The following MYRIP variants were observed in gnomAD, a reference collection of about 807,000 sequenced individuals.
MYRIP encodes the protein myosin VIIA and Rab interacting protein, also known as rab effector MyRIP.
A neutral mutation model predicts 98.0 loss-of-function variants in MYRIP; 49 were observed. The observed-to-expected ratio is 0.50, with a 90% CI of 0.40 to 0.63. The LOEUF is 0.63. Ranked by LOEUF, MYRIP falls within the 30% of genes least tolerant of loss-of-function variation. The pLI is 0.00. For missense variants in MYRIP, 1,004 were observed against 1,058.2 expected (o/e 0.95, Z 0.71); for synonymous variants, 404 against 409.5 (o/e 0.99, Z 0.16).
At chr3:39,845,070 C>T (rs1020220912) in intron 1 of MYRIP, among the ~76,000 whole-genome samples, 1 of 152,192 alleles carries the variant, frequency 6.6e-6, no homozygotes, top group African/African-American at 2.4e-5. Flanking sequence ...AGCATCAAGC[C>T]TCTTTTTTGA....
chr3:40,183,542 C>T (rs1364106330), intron 9 of MYRIP, among the ~76,000 whole-genome samples: 5 of 152,190 alleles, frequency 3.3e-5, no homozygotes, highest in Non-Finnish European at 5.9e-5. Flanking sequence ...TGCTTGGACC[C>T]ATCACTGTGG....
At chr3:40,017,862 T>C (rs1575467982) in intron 2 of MYRIP, among the ~76,000 whole-genome samples, 3 of 152,274 alleles carry the variant, frequency 2.0e-5, no homozygotes, top group East Asian at 1.9e-4. Context: ...ATATTTTTAA[T>C]GTGAAGGCTT....
intron 1 of MYRIP, among the ~76,000 whole-genome samples, chr3:39,898,755 G>A (rs192114037): frequency 1.6e-3 from 241 of 152,206 alleles, no homozygotes; most frequent in African/African-American, 5.4e-3. Context: ...TAGTTTATAT[G>A]TATGTATAAA....
chr3:39,899,968 C>T (rs373400075), intron 1 of MYRIP, among the ~76,000 whole-genome samples: 17 of 152,210 alleles, frequency 1.1e-4, no homozygotes, highest in Non-Finnish European at 1.8e-4. Context: ...CTACAGGCGA[C>T]GCTCACCATG....
At chr3:40,059,625 G>T (rs1947964561) in intron 3 of MYRIP, among the ~76,000 whole-genome samples, 1 of 152,088 alleles carries the variant, frequency 6.6e-6, no homozygotes, top group African/African-American at 2.4e-5. Flanking sequence ...AAGACACTTT[G>T]TCTTTGAGTT....
intron 3 of MYRIP, among the ~76,000 whole-genome samples, chr3:40,142,901 T>C (rs1422659867): frequency 1.3e-5 from 2 of 152,230 alleles, no homozygotes; most frequent in African/African-American, 4.8e-5. Context: ...CGTACACACC[T>C]ACTGAGGCTT....
chr3:40,035,679 C>A (rs746930934), intron 2 of MYRIP, among the ~76,000 whole-genome samples: 78 of 151,676 alleles, frequency 5.1e-4, no homozygotes, highest in Admixed American at 1.1e-3. Flanking sequence ...TAAATGGAAA[C>A]AAATCATTAG....
intron 2 of MYRIP, among the ~76,000 whole-genome samples, chr3:39,917,818 T>A (rs2125687277): frequency 6.6e-6 from 1 of 152,334 alleles, no homozygotes; most frequent in East Asian, 1.9e-4. Context: ...CATTATAACT[T>A]AATGTTAAGC....
chr3:39,903,351 A>G (rs933611283), intron 2 of MYRIP, among the ~76,000 whole-genome samples: 2 of 152,222 alleles, frequency 1.3e-5, no homozygotes, highest in Non-Finnish European at 2.9e-5. Flanking sequence ...ATAACTCATA[A>G]TAGAAGACTT....
At position 40,244,435 on chromosome 3, in the gene MYRIP, T is replaced by C; in HGVS notation, c.2101-11T>C. 1 of 1,602,176 alleles carries C rather than the reference T, an allele frequency of 6.2e-7. No individual in the cohort carries two copies. Among genetic ancestry groups the C allele is most frequent in the Non-Finnish European group, 8.5e-7 (1 of 1,173,818 alleles). On this transcript the variant is annotated splice_polypyrimidine_tract_variant and intron_variant, in intron 12 of 16. Transcript: ENST00000302541. ...GCAGACATGAACTCAAATGTAGCACTGTCTCTACAGGTATACCTGGCAGCA... is the reference window on the plus strand; with the variant it reads ...GCAGACATGAACTCAAATGTAGCACCGTCTCTACAGGTATACCTGGCAGCA...
In MYRIP at chr3:40,076,763, A is replaced by G. The variant is rs562883460; in HGVS notation, c.332+32492A>G. On this transcript the variant is annotated intron_variant, in intron 3 of 16. Coordinates refer to ENST00000302541, the MANE Select transcript of MYRIP (RefSeq NM_015460.4). Reference sequence around the variant, plus strand: ...TTCTGTTTCTAGAAAAAAGGGGTAGAAGGGATTTTGGTGGTCAGCTGGCAG... The same window carrying G: ...TTCTGTTTCTAGAAAAAAGGGGTAGGAGGGATTTTGGTGGTCAGCTGGCAG... Among the ~76,000 whole-genome samples, 10 of 152,258 alleles carry G rather than the reference A, an allele frequency of 6.6e-5. No homozygotes were observed. The East Asian group carries it at 1.9e-3, about 29-fold the overall frequency.
intron 1 of MYRIP, among the ~76,000 whole-genome samples, chr3:39,851,169 T>C (rs936684243): frequency 6.6e-6 from 1 of 152,236 alleles, no homozygotes; most frequent in Non-Finnish European, 1.5e-5. Context: ...AATCAAGATT[T>C]ATAAGCCAGG....
intron 3 of MYRIP, among the ~76,000 whole-genome samples, chr3:40,069,351 C>T (rs1385963190): frequency 6.6e-6 from 1 of 151,648 alleles, no homozygotes; most frequent in African/African-American, 2.4e-5. Flanking sequence ...AAATTCACAA[C>T]AGATTCTAAT....
At chr3:39,912,941 G>A (rs1475441045) in intron 2 of MYRIP, among the ~76,000 whole-genome samples, 6 of 152,166 alleles carry the variant, frequency 3.9e-5, no homozygotes, top group African/African-American at 7.2e-5. Context: ...TCAGGAGGCC[G>A]AGACAGGAGA....
Position 39,985,053 on chromosome 3 carries a change from C to T in MYRIP, c.111-58997C>T, listed in dbSNP as rs931984317. On this transcript the variant is annotated intron_variant, in intron 2 of 16. Transcript: ENST00000302541. The stretch of plus-strand genomic sequence containing the variant: ...TTGAGAAGTGTCTGTTCATGTCCTT[C>T]ACCCACTTTTTGATGGGGTTTTGTT... Among the ~76,000 whole-genome samples the T allele has an allele frequency of 3.0e-4, 36 of 119,558 alleles. 1 individual carries two copies. Among genetic ancestry groups the T allele is most frequent in the African/African-American group, 1.2e-4 (3 of 24,414 alleles). 78.4% of individuals were successfully genotyped at this position (119,558 alleles called of 152,430 possible).
intron 2 of MYRIP, among the ~76,000 whole-genome samples, chr3:40,029,762 A>G (rs529910381): frequency 6.6e-6 from 1 of 152,174 alleles, no homozygotes; most frequent in South Asian, 2.1e-4. Flanking sequence ...CAAATAATCT[A>G]ATATAGAAAT....
chr3:39,982,654 G>A (rs147030319), intron 2 of MYRIP, among the ~76,000 whole-genome samples: 12 of 152,068 alleles, frequency 7.9e-5, no homozygotes, highest in African/African-American at 2.7e-4. Flanking sequence ...AAAGCTAACC[G>A]GTAAATATTA....
chr3:39,894,414 A>G (rs945432421), intron 1 of MYRIP, among the ~76,000 whole-genome samples: 4 of 152,314 alleles, frequency 2.6e-5, no homozygotes, highest in South Asian at 2.1e-4. Flanking sequence ...TGCTCAATAC[A>G]ATATACCTAT....
At chr3:40,148,176 A>AT (rs879609019) in intron 3 of MYRIP, among the ~76,000 whole-genome samples, 6 of 152,026 alleles carry the variant, frequency 3.9e-5, no homozygotes, top group Non-Finnish European at 7.4e-5. Flanking sequence ...GCAAAGTATT[A>AT]TTTTTTTCTG....
Sources: allele counts gnomAD v4.1 joint callset (sites outside exome capture counted in the v4.1 genomes callset), GRCh38; gene constraint gnomAD v4.1.1; transcripts MANE v1.5; gene names NCBI Gene and HGNC (gene_info 2026-07-23, HGNC 2026-07-21).